SZT2: variants seen among roughly 807,000 people sequenced by gnomAD.
SZT2 encodes SZT2 subunit of KICSTOR complex.
Under a neutral mutation model 404.2 loss-of-function variants are expected in SZT2, and 216 were observed. The ratio of observed to expected loss-of-function variants is 0.53; its 90% confidence interval spans 0.48 to 0.60. The LOEUF (loss-of-function observed/expected upper bound fraction) is 0.60. SZT2 is among the 20% of genes least tolerant of loss of function. The probability of loss-of-function intolerance (pLI) is 0.00; values close to 1 mark genes in which losing one functional copy is unlikely to be tolerated. For missense variants in SZT2, 3,857 were observed against 4,459.2 expected (o/e 0.86, Z 3.85); for synonymous variants, 1,693 against 1,749.9 (o/e 0.97, Z 0.81).
chr1:43,424,779 T>C lies in SZT2; in HGVS notation c.2472-5T>C, dbSNP rs1570642735. 1.2e-6 allele frequency: 2 copies of C among 1,613,950 alleles called. No homozygotes were observed. Among genetic ancestry groups the C allele is most frequent in the African/African-American group, 1.3e-5 (1 of 75,036 alleles). Reference sequence around the variant, plus strand: ...GGCCTTGCCCCGGCCTTTATGGGGCTTCAGAGTCCGACTTTCTGAAGGATT... The same window carrying C: ...GGCCTTGCCCCGGCCTTTATGGGGCCTCAGAGTCCGACTTTCTGAAGGATT... On this transcript the variant is annotated splice_region_variant and splice_polypyrimidine_tract_variant and intron_variant, in intron 16 of 71. Transcript: ENST00000634258. This position sits in a 1 kb window ranked among gnomAD's most constrained non-coding sequence, Gnocchi z 4.1.
chr1:43,390,737 C>A (rs796331590), intron 1 of SZT2, among the ~76,000 whole-genome samples: 3 of 152,216 alleles, frequency 2.0e-5, no homozygotes, highest in African/African-American at 7.2e-5. Flanking sequence ...GTACCTTACT[C>A]AAATGCCACT....
intron 1 of SZT2, chr1:43,394,140 C>G: frequency 1.1e-6 from 1 of 951,538 alleles, no homozygotes; most frequent in Non-Finnish European, 1.2e-6. Flanking sequence ...CAGGGATTCT[C>G]AAATGTTAAT....
chr1:43,395,028 G>A (rs1648825763), intron 1 of SZT2, among the ~76,000 whole-genome samples: 1 of 152,220 alleles, frequency 6.6e-6, no homozygotes, highest in Non-Finnish European at 1.5e-5. Context: ...TGATTGATGA[G>A]CTAGACTTCA....
In SZT2 at chr1:43,445,890, A is replaced by G. The variant is rs774853358; in HGVS notation, c.8826-4A>G. 7 of 1,613,960 alleles carry G rather than the reference A, an allele frequency of 4.3e-6. No homozygotes were observed. Among genetic ancestry groups the G allele is most frequent in the Admixed American group, 3.3e-5 (2 of 60,000 alleles). On this transcript the variant is annotated splice_region_variant and splice_polypyrimidine_tract_variant and intron_variant, in intron 62 of 71. Transcript: ENST00000634258. Reference sequence around the variant, plus strand: ...ATCCTCTTATCCCTCCTCCTTTTCTATAGCACCAGCCGGCCACGGGCCATG... The same window carrying G: ...ATCCTCTTATCCCTCCTCCTTTTCTGTAGCACCAGCCGGCCACGGGCCATG...
In SZT2 at chr1:43,433,196, T is replaced by C. The variant is rs777105065; in HGVS notation, c.5804+6T>C. 2 of 1,612,564 alleles carry C rather than the reference T, an allele frequency of 1.2e-6. No individual in the cohort carries two copies. The highest frequency in any genetic ancestry group is 1.7e-6 in the Non-Finnish European group (2 of 1,179,904). On this transcript the variant is annotated splice_donor_region_variant and intron_variant, in intron 40 of 71. Coordinates refer to ENST00000634258, the MANE Select transcript of SZT2 (RefSeq NM_001365999.1). The stretch of plus-strand genomic sequence containing the variant: ...GAAGTGTATGCACATGCACGGTAAG[T>C]AGAAGCCAGGGCCTGCACCCTCATG...
In SZT2 at chr1:43,452,195, C is replaced by T. The variant is rs765156916; in HGVS notation, c.*1715C>T. On this transcript the variant is annotated 3_prime_UTR_variant, in exon 72 of 72. Coordinates refer to ENST00000634258, the MANE Select transcript of SZT2 (RefSeq NM_001365999.1). ...ACATGTAAGTACGTGTGTGTTTCCA[C>T]CTTTCTCACCTGAGCCAAAACCCCA... The T allele has an allele frequency of 1.2e-6, 2 of 1,606,758 alleles. No homozygotes were observed. The highest frequency in any genetic ancestry group is 1.7e-5 in the Admixed American group (1 of 59,496).
In SZT2 at chr1:43,440,467, G is replaced by A. The variant is rs1389864101; in HGVS notation, c.7225G>A (p.Gly2409Arg). The change falls in exon 52 of 72, where the codon GGA becomes AGA. Residue 2409 changes from glycine (G) to arginine (R), a missense_variant. Physicochemically the swap from Gly to Arg is moderately radical, Grantham distance 125. Transcript: ENST00000634258. Reference sequence around the variant, plus strand: ...GATGTCCACAGGAAGTCTCAGGAACGGATCGTTGGAAACTAAGAGCTCTGC... The same window carrying A: ...GATGTCCACAGGAAGTCTCAGGAACAGATCGTTGGAAACTAAGAGCTCTGC... ...EDTPTGSLRN[G>R]SLETKSSAGR... 9.4e-6 allele frequency: 15 copies of A among 1,599,058 alleles called. No homozygotes were observed. The highest frequency in any genetic ancestry group is 2.3e-5 in the East Asian group (1 of 43,904).
chr1:43,442,598 T>A lies in SZT2; in HGVS notation c.8131T>A (p.Phe2711Ile). 1 of 1,607,068 alleles carries A rather than the reference T, an allele frequency of 6.2e-7. No individual in the cohort carries two copies. The highest frequency in any genetic ancestry group is 8.5e-7 in the Non-Finnish European group (1 of 1,175,200). Residue 2711 changes from phenylalanine to isoleucine, a missense_variant, in exon 58 of 72, where the codon TTC becomes ATC. Transcript: ENST00000634258. This position sits in a 1 kb window ranked among gnomAD's most constrained non-coding sequence, Gnocchi z 4.5. ...GLFHHYGQLDFPVRDEKEPNP... is the reference protein window; with the variant it reads ...GLFHHYGQLDIPVRDEKEPNP... ...CTTCCATCATTATGGCCAGTTGGAC[T>A]TCCCCGTGCGAGATGAAAAGGTGCC...
In SZT2 at chr1:43,439,545, G is replaced by T; in HGVS notation, c.6878-60G>T. ...TCCCAGGCTTGCAGCTGAGTGGAGG[G>T]TCGTGGGAGGGGTGGTCTGCAAGTC... On this transcript the variant is annotated intron_variant, in intron 49 of 71. Coordinates refer to ENST00000634258, the MANE Select transcript of SZT2 (RefSeq NM_001365999.1). The surrounding 1 kb of genome is among the most constrained non-coding windows in gnomAD (Gnocchi z 4.2). The T allele has an allele frequency of 6.2e-7, 1 of 1,608,472 alleles. No individual in the cohort carries two copies. The highest frequency in any genetic ancestry group is 8.5e-7 in the Non-Finnish European group (1 of 1,176,874).
In SZT2 at chr1:43,450,032, C is replaced by T. The variant is rs1448143378; in HGVS notation, c.10087-71C>T. Reference sequence around the variant, plus strand: ...AGATGGAAGTAGGCCTCTCCTCATCCTCCCTTCACCTCAGGATGCCCTGTG... The same window carrying T: ...AGATGGAAGTAGGCCTCTCCTCATCTTCCCTTCACCTCAGGATGCCCTGTG... On this transcript the variant is annotated intron_variant, in intron 70 of 71. Transcript: ENST00000634258. The surrounding 1 kb of genome is among the most constrained non-coding windows in gnomAD (Gnocchi z 4.3). 5 of 1,586,488 alleles carry T rather than the reference C, an allele frequency of 3.2e-6. 1 individual carries two copies. The highest frequency in any genetic ancestry group is 4.3e-6 in the Non-Finnish European group (5 of 1,155,218).
chr1:43,429,968 AG>A, intron 29 of SZT2, 42 bp from the exon 30 acceptor site: 1 of 1,612,852 alleles, frequency 6.2e-7, no homozygotes, highest in Non-Finnish European at 8.5e-7. Context: ...TATCCTGTTG[AG>A]GGGTGACTGA....
chr1:43,430,650 T>C lies in SZT2; in HGVS notation c.4635T>C (p.Ser1545=). Residue 1545 remains serine, a synonymous_variant, in exon 32 of 72, where the codon AGT becomes AGC. Transcript: ENST00000634258. ...TGAATCCTGATGAAGACTCCTTCAG[T>C]ATCTTGGGGGGCGACTCACCCACTG... ...DTVNPDEDSF[S]ILGGDSPTGP... 6.2e-7 allele frequency: 1 copy of C among 1,614,144 alleles called. No homozygotes were observed. Among genetic ancestry groups the C allele is most frequent in the Non-Finnish European group, 8.5e-7 (1 of 1,180,026 alleles).
chr1:43,432,041 C>A, intron 36 of SZT2, 140 bp downstream of exon 36: 1 of 1,210,010 alleles, frequency 8.3e-7, no homozygotes, highest in Non-Finnish European at 1.2e-6. Context: ...CATCATCTGC[C>A]CTAACCCCTG....
In SZT2 at chr1:43,450,033, T is replaced by G; in HGVS notation, c.10087-70T>G. ...GATGGAAGTAGGCCTCTCCTCATCC[T>G]CCCTTCACCTCAGGATGCCCTGTGG... On this transcript the variant is annotated intron_variant, in intron 70 of 71. Transcript: ENST00000634258. This position sits in a 1 kb window ranked among gnomAD's most constrained non-coding sequence, Gnocchi z 4.3. 6.3e-7 allele frequency: 1 copy of G among 1,590,660 alleles called. No individual in the cohort carries two copies. Among genetic ancestry groups the G allele is most frequent in the African/African-American group, 1.3e-5 (1 of 74,498 alleles).
At chr1:43,446,854 C>G in intron 65 of SZT2, 101 bp from the exon 66 acceptor site, 1 of 1,265,374 alleles carries the variant, frequency 7.9e-7, no homozygotes, top group East Asian at 2.5e-5. Flanking sequence ...GCCACAGCAG[C>G]AGGGGAAATC....
intron 1 of SZT2, among the ~76,000 whole-genome samples, chr1:43,399,659 C>T (rs762061040): frequency 3.9e-5 from 6 of 151,932 alleles, no homozygotes; most frequent in Admixed American, 2.0e-4. Context: ...GACGGGGTTT[C>T]GCTGTGTTAG....
In SZT2 at chr1:43,453,611, C is replaced by T. The variant is rs949427907; in HGVS notation, c.*3131C>T. 1 of 1,496,950 alleles carries T rather than the reference C, an allele frequency of 6.7e-7. No individual in the cohort carries two copies. Among genetic ancestry groups the T allele is most frequent in the Non-Finnish European group, 8.9e-7 (1 of 1,127,390 alleles). 92.7% of individuals were successfully genotyped at this position (1,496,950 alleles called of 1,614,324 possible). On this transcript the variant is annotated 3_prime_UTR_variant, in exon 72 of 72. Coordinates refer to ENST00000634258, the MANE Select transcript of SZT2 (RefSeq NM_001365999.1). Reference sequence around the variant, plus strand: ...GCGACGCACCCGGGGGCGTGTTGATCAGTACAAGCCGCAGCCCCGCTTCTC... The same window carrying T: ...GCGACGCACCCGGGGGCGTGTTGATTAGTACAAGCCGCAGCCCCGCTTCTC...
chr1:43,421,385 TA>T, intron 11 of SZT2, 82 bp downstream of exon 11: 1 of 1,540,964 alleles, frequency 6.5e-7, no homozygotes, highest in East Asian at 2.2e-5. Context: ...CACCACCTTC[TA>T]TTCCTTTCTG....
At chr1:43,436,838 G>A (rs1654504424) in intron 42 of SZT2, 4 of 330,400 alleles carry the variant, frequency 1.2e-5, no homozygotes, top group African/African-American at 2.1e-5. Context: ...CATAGTGTTA[G>A]AGTGCTACTG....
Sources: allele counts gnomAD v4.1 joint callset (sites outside exome capture counted in the v4.1 genomes callset), GRCh38; gene constraint gnomAD v4.1.1; non-coding constraint Gnocchi (gnomAD v3.1); transcripts MANE v1.5; gene names NCBI Gene and HGNC (gene_info 2026-07-23, HGNC 2026-07-21).